Variants in LRRC47 observed in about 807,000 individuals in gnomAD.
LRRC47 encodes leucine-rich repeat-containing protein 47.
In LRRC47, 31 loss-of-function variants were observed where a neutral mutation model predicts 40.9. The observed-to-expected ratio is 0.76, with a 90% confidence interval of 0.57 to 1.02. The LOEUF is 1.02. Ranked by LOEUF, LRRC47 falls within the 50% of genes least tolerant of loss-of-function variation. The probability of loss-of-function intolerance (pLI) is 0.00; values close to 1 mark genes in which losing one functional copy is unlikely to be tolerated. For missense variants in LRRC47, 726 were observed against 796.1 expected (o/e 0.91, Z 1.06); for synonymous variants, 427 against 371.9 (o/e 1.15, Z -1.70).
rs1643506434 is a variant in LRRC47 at position 3,780,346 on chromosome 1, T to G, written c.*742A>C. On this transcript the variant is annotated 3_prime_UTR_variant, in exon 7 of 7. Transcript: ENST00000378251. ...CAACGACGAGAGCCCAGACCAGGAT[T>G]CCAAACACACTGCACGAGAATATTG... The G allele has an allele frequency of 6.6e-6, 1 of 152,112 alleles. No homozygotes were observed. Among genetic ancestry groups the G allele is most frequent in the Admixed American group, 6.5e-5 (1 of 15,270 alleles). 9.4% of individuals were successfully genotyped at this position (152,112 alleles called of 1,614,324 possible).
intron 5 of LRRC47, among the ~76,000 whole-genome samples, chr1:3,782,353 A>G (rs35033791): frequency 0.12 from 18,611 of 151,808 alleles, 1,207 homozygotes; most frequent in African/African-American, 0.14. Flanking sequence ...TGAGTAGCTG[A>G]GACTACAGGT....
At chr1:3,792,355 T>C (rs1464564543) in intron 1 of LRRC47, among the ~76,000 whole-genome samples, 2 of 152,150 alleles carry the variant, frequency 1.3e-5, no homozygotes, top group Non-Finnish European at 2.9e-5. Flanking sequence ...TGGCCACCTC[T>C]TTTGGGATTT....
intron 1 of LRRC47, among the ~76,000 whole-genome samples, chr1:3,792,383 CTT>C (rs1643634390): frequency 6.6e-6 from 1 of 151,836 alleles, no homozygotes; most frequent in Admixed American, 6.6e-5. Context: ...AAGACACACT[CTT>C]TGACTTGAAT....
At chr1:3,793,724 C>T (rs1570742100) in intron 1 of LRRC47, among the ~76,000 whole-genome samples, 1 of 152,094 alleles carries the variant, frequency 6.6e-6, no homozygotes, top group South Asian at 2.1e-4. Flanking sequence ...CTACCTGAAA[C>T]CAAAAAGAGC....
At chr1:3,794,283 C>G (rs1298276238) in intron 1 of LRRC47, among the ~76,000 whole-genome samples, 1 of 152,144 alleles carries the variant, frequency 6.6e-6, no homozygotes, top group Non-Finnish European at 1.5e-5. Context: ...ACCCTCCTGC[C>G]CTGATAAATC....
intron 1 of LRRC47, among the ~76,000 whole-genome samples, chr1:3,790,542 C>T (rs1557643609): frequency 2.0e-5 from 3 of 152,228 alleles, no homozygotes; most frequent in South Asian, 2.1e-4. Context: ...CCCCCATCCT[C>T]GGCTCACCAC....
At chr1:3,788,865 G>C (rs1643601593) in intron 1 of LRRC47, among the ~76,000 whole-genome samples, 1 of 152,188 alleles carries the variant, frequency 6.6e-6, no homozygotes, top group African/African-American at 2.4e-5. Context: ...GAGAGAATGG[G>C]GCAGTCTAAG....
chr1:3,782,931 T>C (rs1643535168), intron 4 of LRRC47, 168 bp from the exon 5 acceptor site: 2 of 607,346 alleles, frequency 3.3e-6, no homozygotes, highest in South Asian at 1.9e-5. Flanking sequence ...CTACGCTAAG[T>C]CTGTCATCAC....
chr1:3,787,236 G>A lies in LRRC47; in HGVS notation c.690C>T (p.Ile230=), dbSNP rs760774252. 2.5e-6 allele frequency: 4 copies of A among 1,613,688 alleles called. No individual in the cohort carries two copies. The highest frequency in any genetic ancestry group is 3.4e-6 in the Non-Finnish European group (4 of 1,180,042). ...ELADCPKLKE[I]NFRGNKLRDK... is the part of the protein sequence containing the mutation. ...CCCTCAGCTTGTTCCCACGGAAATT[G>A]ATCTCCTTGAGCTTGGGGCAGTCCG... The change falls in exon 2 of 7, where the codon ATC becomes ATT. Residue 230 remains isoleucine, a synonymous_variant. Coordinates refer to ENST00000378251, the MANE Select transcript of LRRC47 (RefSeq NM_020710.3).
chr1:3,794,389 G>T (rs1407311197), intron 1 of LRRC47, among the ~76,000 whole-genome samples: 1 of 151,986 alleles, frequency 6.6e-6, no homozygotes, highest in African/African-American at 2.4e-5. Flanking sequence ...TTGCCACAGG[G>T]TCTCGCTCTG....
chr1:3,794,362 C>T (rs1433816056), intron 1 of LRRC47, among the ~76,000 whole-genome samples: 3 of 152,116 alleles, frequency 2.0e-5, no homozygotes, highest in Non-Finnish European at 2.9e-5. Flanking sequence ...TGTCACTCTA[C>T]AGTGGGTTTG....
chr1:3,793,118 T>C (rs1258968436), intron 1 of LRRC47, among the ~76,000 whole-genome samples: 2 of 140,632 alleles, frequency 1.4e-5, no homozygotes, highest in African/African-American at 5.0e-5. Context: ...CCAACTACCT[T>C]TTTTTTTTTT....
intron 1 of LRRC47, among the ~76,000 whole-genome samples, chr1:3,789,355 T>C (rs1643606407): frequency 6.6e-6 from 1 of 152,276 alleles, no homozygotes; most frequent in Admixed American, 6.5e-5. Context: ...GTTTCTGCGC[T>C]GCCCTAAGGG....
rs189777015 is a variant in LRRC47, at chr1:3,794,264, T to C, written c.615+1598A>G. On this transcript the variant is annotated intron_variant, in intron 1 of 6. Transcript: ENST00000378251. The stretch of plus-strand genomic sequence containing the variant: ...CTGGCTCTACATGTGTAAAACTTTC[T>C]CTATTGCAACCCTCCTGCCCTGATA... 7.9e-5 allele frequency among the ~76,000 whole-genome samples: 12 copies of C among 152,274 alleles called. No homozygotes were observed. In the South Asian group the frequency reaches 1.2e-3, roughly 16 times the overall value.
intron 1 of LRRC47, among the ~76,000 whole-genome samples, chr1:3,790,878 A>C (rs75219749): frequency 1.0e-4 from 5 of 47,984 alleles, no homozygotes; most frequent in East Asian, 9.5e-4. Context: ...TGGGGAGGGA[A>C]AGGACAGGCA....
intron 1 of LRRC47, among the ~76,000 whole-genome samples, chr1:3,791,400 C>G (rs954920209): frequency 2.0e-5 from 3 of 152,234 alleles, no homozygotes; most frequent in Non-Finnish European, 4.4e-5. Flanking sequence ...CACGCAGCCA[C>G]AGAGAGACAG....
At chr1:3,783,035 T>G in intron 4 of LRRC47, 1 of 477,488 alleles carries the variant, frequency 2.1e-6, no homozygotes, top group Non-Finnish European at 3.8e-6. Context: ...AAAGCTCCGG[T>G]GCTGATCAGT....
chr1:3,789,559 G>C (rs1487417165), intron 1 of LRRC47, among the ~76,000 whole-genome samples: 1 of 152,252 alleles, frequency 6.6e-6, no homozygotes, highest in East Asian at 1.9e-4. Flanking sequence ...CCTGCAGCCT[G>C]CAGTGAGTCC....
chr1:3,784,188 G>A lies in LRRC47; in HGVS notation c.1195-77C>T, dbSNP rs1053032569. 7 of 1,198,356 alleles carry A rather than the reference G, an allele frequency of 5.8e-6. No individual in the cohort carries two copies. In the African/African-American group the frequency reaches 7.5e-5, roughly 13 times the overall value. 74.2% of individuals were successfully genotyped at this position (1,198,356 alleles called of 1,614,324 possible). A position where few individuals can be genotyped will look rare whatever the true frequency, so the allele number is the denominator to read the frequency against. On this transcript the variant is annotated intron_variant, in intron 3 of 6. Coordinates refer to ENST00000378251, the MANE Select transcript of LRRC47 (RefSeq NM_020710.3). The stretch of plus-strand genomic sequence containing the variant: ...CCCATCGTGTCGATTACGGCCTTAA[G>A]CCTCAATGAGCCCTCCCGACTCCCG...
Sources: gnomAD v4.1 joint callset for allele counts (sites outside exome capture counted in the v4.1 genomes callset) on GRCh38, gnomAD v4.1.1 for gene constraint, MANE v1.5 for transcripts, NCBI Gene and HGNC (gene_info 2026-07-23, HGNC 2026-07-21) for gene names.